The following PARP10 variants were observed in gnomAD, a reference collection of about 807,000 sequenced individuals.
PARP10 encodes poly(ADP-ribose) polymerase family member 10, also known as protein mono-ADP-ribosyltransferase PARP10.
PARP10 carries 56 observed loss-of-function variants against 82.4 expected under a neutral mutation model. That is an observed-to-expected ratio of 0.68 (90% CI 0.55 to 0.85). PARP10 has a LOEUF of 0.85. Among genes scored for constraint, PARP10 ranks in the 40% least tolerant of loss-of-function variants. The probability of loss-of-function intolerance (pLI) is 0.00; values close to 1 mark genes in which losing one functional copy is unlikely to be tolerated. For synonymous variants in PARP10, 576 were observed against 601.1 expected (o/e 0.96, Z 0.61); for missense variants, 1,227 against 1,379.4 (o/e 0.89, Z 1.75).
At position 143,985,261 on chromosome 8, in the gene PARP10, G is replaced by A. The variant is rs374101456; in HGVS notation, c.741C>T (p.Tyr247=). ...CCAGCTCCTCGGGCTCCAGGATGTC[G>A]TAGTGGGGGACAAGGCTCAGCTCTG... ...QGSELSLVPH[Y]DILEPEELAE... is the part of the protein sequence containing the mutation. Residue 247 remains tyrosine (Y), a synonymous_variant, in exon 5 of 11, where the codon TAC becomes TAT. Coordinates refer to ENST00000313028, the MANE Select transcript of PARP10 (RefSeq NM_032789.5). 6.9e-5 allele frequency: 111 copies of A among 1,613,764 alleles called. No individual in the cohort carries two copies. The highest frequency in any genetic ancestry group is 8.5e-5 in the Non-Finnish European group (100 of 1,179,956).
At position 143,984,604 on chromosome 8, in the gene PARP10, A is replaced by T. The variant is rs1833940748; in HGVS notation, c.1398T>A (p.Leu466=). The change falls in exon 5 of 11, where the codon CTT becomes CTA. Residue 466 remains leucine (L), a synonymous_variant. Coordinates refer to ENST00000313028, the MANE Select transcript of PARP10 (RefSeq NM_032789.5). The part of the protein sequence containing the change: ...RFLQLYHEDL[L]AGLGDVALLP... ...AGAGAGCGACGTCTCCCAGGCCCGC[A>T]AGAAGGTCCTCATGGTAGAGCTGCA... 1.2e-6 allele frequency: 2 copies of T among 1,613,820 alleles called. No individual in the cohort carries two copies. Among genetic ancestry groups the T allele is most frequent in the Non-Finnish European group, 1.7e-6 (2 of 1,179,898 alleles).
At chr8:143,991,695 C>T (rs1189893259), upstream of PARP10, 4 of 1,611,406 alleles carry the variant, frequency 2.5e-6, no homozygotes, top group Non-Finnish European at 3.4e-6. Flanking sequence ...TTCTCAGCAC[C>T]CCAGCATGGA....
rs534152616 is a variant in PARP10 at position 143,984,780 on chromosome 8, G to A, written c.1222C>T (p.Pro408Ser). 6.2e-7 allele frequency: 1 copy of A among 1,613,350 alleles called. No homozygotes were observed. The highest frequency in any genetic ancestry group is 1.1e-5 in the South Asian group (1 of 91,036). ...GGACCCACCAGCCCCTCTTGCTCTG[G>A]TGAGTCCATGGCAATTTCCACCAGG... ...EGLVEIAMDS[P>S]EQEGLVGPME... Residue 408 changes from proline to serine, a missense_variant, in exon 5 of 11, where the codon CCA (proline) becomes TCA (serine). Physicochemically the swap from Pro to Ser is moderately conservative, Grantham distance 74. Transcript: ENST00000313028.
Position 143,984,348 on chromosome 8 carries a change from G to A in PARP10, c.1542C>T (p.Cys514=). The change falls in exon 6 of 11, where the codon TGC becomes TGT. Residue 514 remains cysteine, a synonymous_variant. Coordinates refer to ENST00000313028, the MANE Select transcript of PARP10 (RefSeq NM_032789.5). ...LLGSISCHVL[C]LEHPGSARFL... ...ACCTGGCGCTGCCCGGGTGCTCCAG[G>A]CACAACACATGGCAGCTAATGCTGC... 2.5e-6 allele frequency: 4 copies of A among 1,613,732 alleles called. No individual in the cohort carries two copies. The highest frequency in any genetic ancestry group is 3.4e-6 in the Non-Finnish European group (4 of 1,179,980).
Position 143,983,487 on chromosome 8 carries a change from C to A in PARP10, c.2102G>T (p.Gly701Val), listed in dbSNP as rs782420418. 6 of 1,606,832 alleles carry A rather than the reference C, an allele frequency of 3.7e-6. No homozygotes were observed. The Admixed American group carries it at 5.0e-5, about 13-fold the overall frequency. ...PPLEAEEPPD[G>V]GTDGKAQLVV... ...CAGCTGGGCCTTGCCATCAGTCCCC[C>A]CATCTGGGGGCTCTTCTGCCTCCAA... The change falls in exon 8 of 11, where the codon GGG becomes GTG. Residue 701 changes from glycine (G) to valine (V), a missense_variant. Transcript: ENST00000313028.
In PARP10 at chr8:143,984,265, C is replaced by A. The variant is rs1554748572; in HGVS notation, c.1625G>T (p.Cys542Phe). ...GGCCAGGCGCTCTGTCCCAAAGACA[C>A]ACTGGAACTGAGCCTCCAGCCCCTG... is the stretch of plus-strand genomic sequence containing the variant. ...LLQGLEAQFQ[C>F]VFGTERLATA... The change falls in exon 6 of 11, where the codon TGT becomes TTT. Residue 542 changes from cysteine (C) to phenylalanine (F), a missense_variant. Coordinates refer to ENST00000313028, the MANE Select transcript of PARP10 (RefSeq NM_032789.5). 6.2e-7 allele frequency: 1 copy of A among 1,614,086 alleles called. No individual in the cohort carries two copies. Among genetic ancestry groups the A allele is most frequent in the South Asian group, 1.1e-5 (1 of 91,082 alleles).
intron 1 of PARP10, among the ~76,000 whole-genome samples, chr8:143,999,866 C>T (rs1346603928): frequency 6.6e-6 from 1 of 151,866 alleles, no homozygotes; most frequent in Admixed American, 6.6e-5. Flanking sequence ...TAGAAAATAT[C>T]CTAAAACTCA....
At chr8:143,978,965 G>T (rs1554747057) in intron 9 of PARP10, among the ~76,000 whole-genome samples, 1 of 142,824 alleles carries the variant, frequency 7.0e-6, no homozygotes, top group Non-Finnish European at 1.5e-5. Context: ...AGAAAACCCT[G>T]CAAGTTTTTT....
intron 1 of PARP10, among the ~76,000 whole-genome samples, chr8:143,998,204 A>G (rs1834176697): frequency 1.3e-5 from 2 of 152,204 alleles, no homozygotes; most frequent in Non-Finnish European, 2.9e-5. Context: ...TGTGTGATTC[A>G]CAGCAGTTGC....
chr8:143,983,879 G>A lies in PARP10; in HGVS notation c.1778-68C>T, dbSNP rs1833924225. Reference sequence around the variant, plus strand: ...GAGGAGTTGGAATGGATGAAAGATGGGGAGCAAGTTTTTAGGGTACAGGGT... The same window carrying A: ...GAGGAGTTGGAATGGATGAAAGATGAGGAGCAAGTTTTTAGGGTACAGGGT... On this transcript the variant is annotated intron_variant, in intron 7 of 10. Transcript: ENST00000313028. 3 of 1,519,116 alleles carry A rather than the reference G, an allele frequency of 2.0e-6. No individual in the cohort carries two copies. In the East Asian group the frequency reaches 6.8e-5, roughly 34 times the overall value. The allele number at this position is 1,519,116 out of a possible 1,614,324, so 94.1% of individuals were successfully genotyped here.
chr8:143,989,913 C>G (rs1834060699), upstream of PARP10: 1 of 152,236 alleles, frequency 6.6e-6, no homozygotes, highest in African/African-American at 2.4e-5. The surrounding 1 kb of genome is among the most constrained non-coding windows in gnomAD (Gnocchi z 4.3). Flanking sequence ...CCCCACCCCT[C>G]GGCAGACAGT....
chr8:143,991,563 T>A, upstream of PARP10: 2 of 1,402,628 alleles, frequency 1.4e-6, no homozygotes, highest in Non-Finnish European at 2.0e-6. Flanking sequence ...CCCCAACCCC[T>A]ATGGACAGCC....
Position 143,985,666 on chromosome 8 carries a change from G to T in PARP10, c.437-18C>A, listed in dbSNP as rs1554749143. The T allele has an allele frequency of 2.5e-6, 4 of 1,608,524 alleles. No homozygotes were observed. Among genetic ancestry groups the T allele is most frequent in the Non-Finnish European group, 3.4e-6 (4 of 1,177,366 alleles). ...ACGGACATCTGTGGGGTATGTGCAGGTCAGCTCAGGGAATCCCCCCTAGCC... is the reference window on the plus strand; with the variant it reads ...ACGGACATCTGTGGGGTATGTGCAGTTCAGCTCAGGGAATCCCCCCTAGCC... On this transcript the variant is annotated intron_variant, in intron 3 of 10. Transcript: ENST00000313028.
In PARP10 at chr8:143,983,605, G is replaced by T; in HGVS notation, c.1984C>A (p.Arg662=). 1 of 1,604,328 alleles carries T rather than the reference G, an allele frequency of 6.2e-7. No homozygotes were observed. Among genetic ancestry groups the T allele is most frequent in the South Asian group, 1.1e-5 (1 of 89,536 alleles). ...EEAALQLALH[R]SLEPQGQVAE... The stretch of plus-strand genomic sequence containing the variant: ...ACCTGACCTTGAGGCTCCAGTGACC[G>T]GTGGAGGGCCAGCTGCAGAGCGGCC... Residue 662 remains arginine (R), a synonymous_variant, in exon 8 of 11, where the codon CGG becomes AGG. Coordinates refer to ENST00000313028, the MANE Select transcript of PARP10 (RefSeq NM_032789.5).
At chr8:144,001,759 T>G (rs922153443) in intron 1 of PARP10, among the ~76,000 whole-genome samples, 12 of 150,784 alleles carry the variant, frequency 8.0e-5, no homozygotes, top group Non-Finnish European at 1.3e-4. Context: ...AAGAAAAGTC[T>G]GGGCACAGTG....
rs568000718 is a variant in PARP10, at chr8:144,000,977, G to A, written c.-80+11553C>T. On this transcript the variant is annotated intron_variant, in intron 1 of 3. Transcript: ENST00000530478. Reference sequence around the variant, plus strand: ...CGCCCAGGCTGGAGTGCAGTGGCGCGATCTTGGCTCACTGCAAGCTCTGCC... The same window carrying A: ...CGCCCAGGCTGGAGTGCAGTGGCGCAATCTTGGCTCACTGCAAGCTCTGCC... Among the ~76,000 whole-genome samples the A allele has an allele frequency of 2.1e-4, 30 of 142,938 alleles. No homozygotes were observed. The South Asian group carries it at 4.7e-3, about 22-fold the overall frequency. 93.8% of individuals were successfully genotyped at this position (142,938 alleles called of 152,430 possible).
At chr8:143,986,632 G>A (rs376338966), upstream of PARP10, 10 of 581,086 alleles carry the variant, frequency 1.7e-5, no homozygotes, top group East Asian at 8.6e-5. Flanking sequence ...CCAGCCCACC[G>A]GCCCTACCTG....
At chr8:143,991,497 G>T (rs372262783), upstream of PARP10, 3 of 1,534,472 alleles carry the variant, frequency 2.0e-6, no homozygotes, top group African/African-American at 4.2e-5. Flanking sequence ...CTACCCACAG[G>T]GCCCCTACCC....
intron 1 of PARP10, among the ~76,000 whole-genome samples, chr8:144,002,721 T>C (rs1554751775): frequency 6.6e-6 from 1 of 152,196 alleles, no homozygotes; most frequent in Non-Finnish European, 1.5e-5. Context: ...ACTTTACAAC[T>C]TCTGTCTTGA....
Sources: gnomAD v4.1 joint callset for allele counts (sites outside exome capture counted in the v4.1 genomes callset) on GRCh38, gnomAD v4.1.1 for gene constraint, Gnocchi (gnomAD v3.1) non-coding constraint, MANE v1.5 for transcripts, NCBI Gene and HGNC (gene_info 2026-07-23, HGNC 2026-07-21) for gene names.